The following DNAH1 variants were observed in gnomAD, a reference collection of about 807,000 sequenced individuals.
The protein encoded by DNAH1 is axonemal beta dynein heavy chain 1.
In DNAH1, 327 loss-of-function variants were observed where a neutral mutation model predicts 484.3. That is an observed-to-expected ratio of 0.68 (90% CI 0.62 to 0.74). The LOEUF (loss-of-function observed/expected upper bound fraction) is 0.74. Ranked by LOEUF, DNAH1 falls within the 30% of genes least tolerant of loss-of-function variation. The pLI, the probability that DNAH1 is intolerant of heterozygous loss-of-function variation, is 0.00. For missense variants in DNAH1, 5,052 were observed against 5,546.8 expected (o/e 0.91, Z 2.83); for synonymous variants, 2,192 against 2,191.9 (o/e 1.00, Z 0.00).
At chr3:52,310,994 CCTT>C in the DNAH1 span, among the ~76,000 whole-genome samples, 2 of 152,192 alleles carry the variant, frequency 1.3e-5, no homozygotes, top group Admixed American at 6.5e-5. Context: ...GGCCTTACCT[CCTT>C]CTCACCCCAA....
At chr3:52,371,248 T>C (rs1321099253) in intron 41 of DNAH1, among the ~76,000 whole-genome samples, 3 of 152,202 alleles carry the variant, frequency 2.0e-5, no homozygotes, top group Non-Finnish European at 4.4e-5. Flanking sequence ...TAGCAAGGGC[T>C]CCATGAGCTC....
chr3:52,343,615 C>T (rs1702027527), intron 8 of DNAH1, among the ~76,000 whole-genome samples: 1 of 152,158 alleles, frequency 6.6e-6, no homozygotes, highest in Admixed American at 6.5e-5. Context: ...AGTTCTCCAA[C>T]ATCCCGCAGC....
upstream of DNAH1, among the ~76,000 whole-genome samples, chr3:52,311,738 A>G (rs1700765902): frequency 1.3e-5 from 2 of 152,144 alleles, no homozygotes; most frequent in African/African-American, 2.4e-5. Context: ...GCTGGTTGTC[A>G]TGGCAACCTG....
chr3:52,348,269 T>A (rs1309931849), intron 12 of DNAH1, among the ~76,000 whole-genome samples: 1 of 152,198 alleles, frequency 6.6e-6, no homozygotes, highest in Non-Finnish European at 1.5e-5. Context: ...ATAGTTAGCC[T>A]AAGATTGCAT....
In DNAH1 at chr3:52,399,600, TC is replaced by T; in HGVS notation, c.12499del (p.His4167MetfsTer56). 1.9e-6 allele frequency: 3 copies of T among 1,613,988 alleles called. No homozygotes were observed. The highest frequency in any genetic ancestry group is 2.5e-6 in the Non-Finnish European group (3 of 1,179,888). On this transcript the variant is annotated frameshift_variant, in exon 77 of 78. Coordinates refer to ENST00000420323, the MANE Select transcript of DNAH1 (RefSeq NM_015512.5). LOFTEE classifies it high-confidence loss of function. ...CAAAGACCCCAAGTAGGGTGCTATA[TC>T]CATGGATTATTCCTGGAAGGTGCCC... ...LTQRPQVGCY[I>X]HGLFLEGARW...
intron 44 of DNAH1, chr3:52,373,999 T>G (rs1703472375): frequency 9.1e-7 from 1 of 1,097,102 alleles, no homozygotes; most frequent in Non-Finnish European, 1.4e-6. Flanking sequence ...TTTTAGAGTC[T>G]GCAGATTTCC....
intron 8 of DNAH1, among the ~76,000 whole-genome samples, chr3:52,333,277 C>T (rs1701618766): frequency 6.6e-6 from 1 of 152,174 alleles, no homozygotes; most frequent in Admixed American, 6.5e-5. Context: ...TGCTTTGAGA[C>T]TCCCACAGCA....
In DNAH1 at chr3:52,383,840, T is replaced by G. The variant is rs1339225413; in HGVS notation, c.8151-20T>G. 37 of 1,572,904 alleles carry G rather than the reference T, an allele frequency of 2.4e-5. No individual in the cohort carries two copies. The highest frequency in any genetic ancestry group is 3.0e-5 in the Non-Finnish European group (35 of 1,155,912). The stretch of plus-strand genomic sequence containing the variant: ...GTTGGTCAGTGTCTCTGGACCTCAT[T>G]TGGATTCCTGACTTTCCAGCCCCAT... On this transcript the variant is annotated intron_variant, in intron 51 of 77. Transcript: ENST00000420323.
chr3:52,312,825 T>G (rs1213233015), upstream of DNAH1, among the ~76,000 whole-genome samples: 1 of 152,124 alleles, frequency 6.6e-6, no homozygotes, highest in Non-Finnish European at 1.5e-5. Flanking sequence ...GCTAATTTTT[T>G]GTATTTTTAG....
rs565802624 is a variant in DNAH1, at chr3:52,383,805, T to A, written c.8151-55T>A. 10 of 1,525,934 alleles carry A rather than the reference T, an allele frequency of 6.6e-6. No homozygotes were observed. In the African/African-American group the frequency reaches 1.4e-4, roughly 21 times the overall value. 94.5% of individuals were successfully genotyped at this position (1,525,934 alleles called of 1,614,324 possible). A position where few individuals can be genotyped will look rare whatever the true frequency, so the allele number is the denominator to read the frequency against. ...TGTGCAAGGGCCCTGGGTCCTGGGC[T>A]CCTGGGGTCGTTGGTCAGTGTCTCT... On this transcript the variant is annotated intron_variant, in intron 51 of 77. Coordinates refer to ENST00000420323, the MANE Select transcript of DNAH1 (RefSeq NM_015512.5).
In DNAH1 at chr3:52,395,789, C is replaced by T. The variant is rs560777826; in HGVS notation, c.11259+111C>T. ...CAAGCACTCTGCCCAGCCTCTAGCA[C>T]GTGGCAAGTGCTCAGCAACTGACAT... On this transcript the variant is annotated intron_variant, in intron 70 of 77. Coordinates refer to ENST00000420323, the MANE Select transcript of DNAH1 (RefSeq NM_015512.5). This position sits in a 1 kb window ranked among gnomAD's most constrained non-coding sequence, Gnocchi z 4.4. 733 of 1,460,012 alleles carry T rather than the reference C, an allele frequency of 5.0e-4. 1 individual carries two copies. In the African/African-American group the frequency reaches 9.2e-3, roughly 18 times the overall value. 90.4% of individuals were successfully genotyped at this position (1,460,012 alleles called of 1,614,324 possible). A position where few individuals can be genotyped will look rare whatever the true frequency, so the allele number is the denominator to read the frequency against.
rs1559525677 is a variant in DNAH1 at position 52,358,588 on chromosome 3, C to T, written c.4117C>T (p.His1373Tyr). 1.2e-6 allele frequency: 2 copies of T among 1,612,438 alleles called. No individual in the cohort carries two copies. The highest frequency in any genetic ancestry group is 8.5e-7 in the Non-Finnish European group (1 of 1,179,428). The change falls in exon 25 of 78, where the codon CAC becomes TAC. Residue 1373 changes from histidine (H) to tyrosine (Y), a missense_variant. This residue lies in a region of DNAH1 where 2,929 missense variants were observed against 3,409.4 expected (regional missense o/e 0.86). Coordinates refer to ENST00000420323, the MANE Select transcript of DNAH1 (RefSeq NM_015512.5). This position sits in a 1 kb window ranked among gnomAD's most constrained non-coding sequence, Gnocchi z 4.2. ...ATTCCAGGAGGACCTGGAGATCACG[C>T]ACATGTACTCAGCCGAGGGGGAGGA... ...LLFQEDLEIT[H>Y]MYSAEGEEVQ...
At chr3:52,388,742 T>C (rs1485754732) in intron 58 of DNAH1, 64 bp from the exon 59 acceptor site, 1 of 1,606,438 alleles carries the variant, frequency 6.2e-7, no homozygotes. Context: ...CCACAGTGGG[T>C]AGGGCCAGCC....
intron 65 of DNAH1, 145 bp from the exon 66 acceptor site, chr3:52,393,189 G>C (rs1038187949): frequency 1.4e-6 from 2 of 1,446,458 alleles, no homozygotes; most frequent in Non-Finnish European, 1.9e-6. Context: ...CCTCCTCCGA[G>C]CCCCTTCACT....
chr3:52,318,486 G>C (rs1209711550), intron 1 of DNAH1, among the ~76,000 whole-genome samples: 1 of 152,192 alleles, frequency 6.6e-6, no homozygotes, highest in Non-Finnish European at 1.5e-5. Flanking sequence ...TTGTTACAGA[G>C]GTCAACTTCA....
chr3:52,384,072 T>C (rs763477740), intron 52 of DNAH1, 41 bp downstream of exon 52: 150 of 1,522,332 alleles, frequency 9.9e-5, no homozygotes, highest in Non-Finnish European at 1.3e-4. Context: ...GGGAGACCTG[T>C]TTAGCTTGGG....
chr3:52,356,360 G>T (rs1002289229), intron 21 of DNAH1, among the ~76,000 whole-genome samples: 1 of 152,164 alleles, frequency 6.6e-6, no homozygotes, highest in Non-Finnish European at 1.5e-5. Flanking sequence ...CAGCTCCCCC[G>T]GCTCCTTTGG....
intron 4 of DNAH1, 127 bp from the exon 5 acceptor site, chr3:52,326,608 G>T: frequency 8.3e-7 from 1 of 1,207,648 alleles, no homozygotes. Flanking sequence ...TCAGAGGGGT[G>T]GAGGGCTCCA....
chr3:52,394,044 G>T (rs1304932081), intron 66 of DNAH1, among the ~76,000 whole-genome samples: 3 of 152,244 alleles, frequency 2.0e-5, no homozygotes, highest in Non-Finnish European at 2.9e-5. Context: ...CCCCAGGGAC[G>T]GACTGTCCTG....
Sources: allele counts gnomAD v4.1 joint callset (sites outside exome capture counted in the v4.1 genomes callset), GRCh38; gene constraint gnomAD v4.1.1; regional missense constraint gnomAD v4.1.1; non-coding constraint Gnocchi (gnomAD v3.1); transcripts MANE v1.5; gene names NCBI Gene and HGNC (gene_info 2026-07-23, HGNC 2026-07-21).